Variants in CSMD1 observed in about 807,000 individuals in gnomAD.
CSMD1 encodes CUB and Sushi multiple domains 1.
Under a neutral mutation model 417.5 loss-of-function variants are expected in CSMD1, and 213 were observed. That is an observed-to-expected ratio of 0.51 (90% CI 0.46 to 0.57). The LOEUF (loss-of-function observed/expected upper bound fraction) is 0.57, where lower values mean the gene tolerates loss of function less well. CSMD1 is among the 20% of genes least tolerant of loss of function. The pLI is 0.00. For missense variants in CSMD1, 6,923 were observed against 4,529.7 expected (o/e 1.53, Z -15.17); for synonymous variants, 2,862 against 1,736.8 (o/e 1.65, Z -16.11).
chr8:4,907,401 A>G (rs2117072512), intron 1 of CSMD1, among the ~76,000 whole-genome samples: 1 of 152,342 alleles, frequency 6.6e-6, no homozygotes, highest in East Asian at 1.9e-4. Flanking sequence ...CTCAAGTATG[A>G]ATTACTGCAA....
At chr8:2,963,736 T>A (rs1347427103) in intron 59 of CSMD1, among the ~76,000 whole-genome samples, 1 of 152,186 alleles carries the variant, frequency 6.6e-6, no homozygotes, top group Non-Finnish European at 1.5e-5. Flanking sequence ...ACAATTCGAA[T>A]GAGGATTTGG....
intron 1 of CSMD1, among the ~76,000 whole-genome samples, chr8:4,983,566 AG>A (rs1415022831): frequency 6.6e-6 from 1 of 152,168 alleles, no homozygotes; most frequent in Middle Eastern, 3.2e-3. Context: ...CCTGTCGCCC[AG>A]GCTGGAAGGC....
At chr8:3,133,917 G>A (rs781118805) in intron 41 of CSMD1, among the ~76,000 whole-genome samples, 2 of 152,196 alleles carry the variant, frequency 1.3e-5, no homozygotes, top group Non-Finnish European at 2.9e-5. Context: ...GCTCACGCCT[G>A]TAATCTCAGC....
intron 2 of CSMD1, among the ~76,000 whole-genome samples, chr8:4,451,949 A>G (rs116924766): frequency 0.11 from 16,079 of 148,388 alleles, 1,119 homozygotes; most frequent in South Asian, 0.22. Flanking sequence ...ATTATTATAT[A>G]TAATATATAA....
At chr8:4,518,016 G>A (rs1040051450) in intron 2 of CSMD1, among the ~76,000 whole-genome samples, 1 of 152,120 alleles carries the variant, frequency 6.6e-6, no homozygotes, top group African/African-American at 2.4e-5. Flanking sequence ...TGATACATAA[G>A]CTGTTTAAGA....
chr8:3,775,666 G>A (rs1194259504), intron 5 of CSMD1, among the ~76,000 whole-genome samples: 1 of 152,208 alleles, frequency 6.6e-6, no homozygotes, highest in Non-Finnish European at 1.5e-5. Context: ...GTCGGGGAGA[G>A]AGCCCAACAC....
At chr8:3,903,126 G>A (rs755120193) in intron 5 of CSMD1, among the ~76,000 whole-genome samples, 1 of 152,026 alleles carries the variant, frequency 6.6e-6, no homozygotes. Context: ...CTTCTTACTG[G>A]CACTTTGGAG....
chr8:3,940,752 A>C (rs1232711520), intron 5 of CSMD1, among the ~76,000 whole-genome samples: 1 of 151,838 alleles, frequency 6.6e-6, no homozygotes, highest in Non-Finnish European at 1.5e-5. Flanking sequence ...TATTTTTCAA[A>C]TTGTTTTGTT....
At chr8:3,242,612 T>A (rs544771643) in intron 26 of CSMD1, among the ~76,000 whole-genome samples, 3 of 151,986 alleles carry the variant, frequency 2.0e-5, no homozygotes, top group South Asian at 2.1e-4. Flanking sequence ...ATAAGGCATT[T>A]AGGTTTTAGG....
At chr8:3,527,546 C>A (rs967818719) in intron 10 of CSMD1, among the ~76,000 whole-genome samples, 3 of 152,016 alleles carry the variant, frequency 2.0e-5, no homozygotes, top group Non-Finnish European at 4.4e-5. Flanking sequence ...TGGCCATGGT[C>A]ACAAGAATTG....
intron 5 of CSMD1, among the ~76,000 whole-genome samples, chr8:3,880,754 T>G (rs892327647): frequency 6.6e-6 from 1 of 152,228 alleles, no homozygotes; most frequent in Non-Finnish European, 1.5e-5. Flanking sequence ...ATACAGCTAT[T>G]ATCCAAAATT....
chr8:4,426,434 C>T (rs1797559078), intron 2 of CSMD1, among the ~76,000 whole-genome samples: 1 of 147,876 alleles, frequency 6.8e-6, no homozygotes, highest in African/African-American at 2.5e-5. Flanking sequence ...TAAACATATA[C>T]TATATAGAGC....
intron 7 of CSMD1, among the ~76,000 whole-genome samples, chr8:3,681,168 A>T (rs899775446): frequency 1.3e-5 from 2 of 152,164 alleles, no homozygotes; most frequent in African/African-American, 4.8e-5. Context: ...TATTCAACAT[A>T]GTGTTGGAAG....
At chr8:3,788,450 A>G (rs1174625453) in intron 5 of CSMD1, among the ~76,000 whole-genome samples, 1 of 152,172 alleles carries the variant, frequency 6.6e-6, no homozygotes. Flanking sequence ...CTGAGATAAG[A>G]GGCAGAAATC....
intron 2 of CSMD1, among the ~76,000 whole-genome samples, chr8:4,451,016 G>T (rs972250850): frequency 9.9e-6 from 1 of 101,242 alleles, no homozygotes; most frequent in African/African-American, 5.1e-5. Flanking sequence ...GTTGACCAAC[G>T]TGGGGAAAAA....
chr8:2,946,116 T>C (rs905435552), intron 68 of CSMD1, among the ~76,000 whole-genome samples: 1 of 152,202 alleles, frequency 6.6e-6, no homozygotes, highest in Non-Finnish European at 1.5e-5. Flanking sequence ...CCGTGCACTA[T>C]GACATTATGG....
chr8:4,010,378 T>G (rs2740954), intron 4 of CSMD1, among the ~76,000 whole-genome samples: 2 of 152,016 alleles, frequency 1.3e-5, no homozygotes, highest in East Asian at 1.9e-4. Flanking sequence ...CTTCGGGCCC[T>G]CTGTCAGCCT....
chr8:3,587,290 T>C (rs1009631385), intron 8 of CSMD1, among the ~76,000 whole-genome samples: 1 of 152,246 alleles, frequency 6.6e-6, no homozygotes, highest in African/African-American at 2.4e-5. Context: ...ACCCAGTTAC[T>C]TCTTCTGAGC....
chr8:4,796,935 G>C (rs1003270647), intron 1 of CSMD1, among the ~76,000 whole-genome samples: 1 of 152,174 alleles, frequency 6.6e-6, no homozygotes, highest in Non-Finnish European at 1.5e-5. Flanking sequence ...CTGCATGGAG[G>C]GGGCAGGACA....
Sources: allele counts gnomAD v4.1 joint callset (sites outside exome capture counted in the v4.1 genomes callset), GRCh38; gene constraint gnomAD v4.1.1; transcripts MANE v1.5; gene names NCBI Gene and HGNC (gene_info 2026-07-23, HGNC 2026-07-21).